Variants in ZCWPW1 observed in about 807,000 individuals in gnomAD.
ZCWPW1 encodes the protein zinc finger CW-type PWWP domain protein 1.
A neutral mutation model predicts 81.3 loss-of-function variants in ZCWPW1; 56 were observed. The ratio of observed to expected loss-of-function variants is 0.69; its 90% CI spans 0.56 to 0.86. The LOEUF is 0.86. Among genes scored for constraint, ZCWPW1 ranks in the 40% least tolerant of loss-of-function variants. The pLI is 0.00. For synonymous variants in ZCWPW1, 250 were observed against 273.7 expected, an observed-to-expected ratio of 0.91 and a Z score of 0.86; for missense variants, 650 against 769.8, an observed-to-expected ratio of 0.84 and a Z score of 1.84.
At position 100,416,289 on chromosome 7, in the gene ZCWPW1, AT is replaced by A. The variant is rs773757099; in HGVS notation, c.631+15del. The A allele has an allele frequency of 4.0e-5, 64 of 1,613,270 alleles. No homozygotes were observed. The African/African-American group carries it at 7.5e-4, about 19-fold the overall frequency. ...GTACTTGAGCCAGGCTTCAAAGTAT[AT>A]CTGACTGTACTTACGAGCTTCCTTC... is the stretch of plus-strand genomic sequence containing the variant. On this transcript the variant is annotated intron_variant, in intron 7 of 17. Transcript: ENST00000684423.
At chr7:100,410,615 C>T (rs1463798987) in intron 8 of ZCWPW1, among the ~76,000 whole-genome samples, 2 of 152,150 alleles carry the variant, frequency 1.3e-5, no homozygotes, top group African/African-American at 2.4e-5. Context: ...ACTCCTCATA[C>T]AGCACCCCAT....
At chr7:100,410,823 A>G (rs1238978030) in intron 8 of ZCWPW1, among the ~76,000 whole-genome samples, 1 of 151,914 alleles carries the variant, frequency 6.6e-6, no homozygotes, top group East Asian at 1.9e-4. Flanking sequence ...TAGCTCTCCA[A>G]CCCACTGCCC....
chr7:100,411,380 C>T (rs1794128218), intron 8 of ZCWPW1, among the ~76,000 whole-genome samples: 1 of 152,060 alleles, frequency 6.6e-6, no homozygotes, highest in Non-Finnish European at 1.5e-5. Flanking sequence ...GATCCTCCCA[C>T]TTCAGCCTCC....
At position 100,401,077 on chromosome 7, in the gene ZCWPW1, G is replaced by T. The variant is rs372286297; in HGVS notation, c.1887C>A (p.Ser629Arg). The change falls in exon 18 of 18, where the codon AGC (serine) becomes AGA (arginine). Residue 629 changes from serine to arginine, a missense_variant. Coordinates refer to ENST00000684423, the MANE Select transcript of ZCWPW1 (RefSeq NM_001386010.1). ...CACTGTTGCTGTGCTGCAGCTCCCC[G>T]CTCTGCCCCAGCTCTCTCCCAACAT... The part of the protein sequence containing the change: ...MEDVGRELGQ[S>R]GELQHSNSDG... 2 of 1,613,980 alleles carry T rather than the reference G, an allele frequency of 1.2e-6. No individual in the cohort carries two copies. Among genetic ancestry groups the T allele is most frequent in the Non-Finnish European group, 1.7e-6 (2 of 1,180,008 alleles).
chr7:100,417,581 G>A (rs989131294), intron 5 of ZCWPW1, among the ~76,000 whole-genome samples: 14 of 151,804 alleles, frequency 9.2e-5, no homozygotes, highest in Non-Finnish European at 1.3e-4. Flanking sequence ...TGCCAGGCAC[G>A]GTGGCATGCA....
intron 8 of ZCWPW1, among the ~76,000 whole-genome samples, chr7:100,414,469 G>A (rs1427892553): frequency 6.6e-6 from 1 of 152,190 alleles, no homozygotes; most frequent in East Asian, 1.9e-4. Flanking sequence ...AGGCTGGAGG[G>A]CAGTGGCACA....
intron 8 of ZCWPW1, among the ~76,000 whole-genome samples, chr7:100,415,069 G>A (rs1424865173): frequency 3.0e-5 from 4 of 133,886 alleles, no homozygotes; most frequent in Admixed American, 7.7e-5. Context: ...CCTCAACTCC[G>A]TACCCATTTT....
intron 8 of ZCWPW1, among the ~76,000 whole-genome samples, chr7:100,412,753 T>G (rs988552203): frequency 3.9e-5 from 6 of 152,132 alleles, no homozygotes; most frequent in African/African-American, 7.2e-5. Context: ...GGCTAATTTT[T>G]TGTATTTTTA....
At chr7:100,411,418 C>A (rs899062544) in intron 8 of ZCWPW1, among the ~76,000 whole-genome samples, 1 of 152,086 alleles carries the variant, frequency 6.6e-6, no homozygotes, top group African/African-American at 2.4e-5. Flanking sequence ...AGGCATGCAC[C>A]ACCACACCCA....
At chr7:100,420,419 T>C (rs961447527) in intron 3 of ZCWPW1, among the ~76,000 whole-genome samples, 1 of 152,216 alleles carries the variant, frequency 6.6e-6, no homozygotes, top group African/African-American at 2.4e-5. Context: ...TTAAATGCCT[T>C]TTCTCTCCCT....
chr7:100,418,591 G>C (rs747148634), intron 5 of ZCWPW1: 1 of 152,394 alleles, frequency 6.6e-6, no homozygotes, highest in South Asian at 2.1e-4. Flanking sequence ...AAGAGTTCGA[G>C]ACCAGCCTGG....
At chr7:100,410,734 T>C (rs963511365) in intron 8 of ZCWPW1, among the ~76,000 whole-genome samples, 1 of 152,180 alleles carries the variant, frequency 6.6e-6, no homozygotes, top group African/African-American at 2.4e-5. Flanking sequence ...GAGCCACTCA[T>C]CCAAACATCC....
intron 12 of ZCWPW1, among the ~76,000 whole-genome samples, chr7:100,405,556 T>C (rs1792826382): frequency 6.6e-6 from 1 of 152,228 alleles, no homozygotes; most frequent in Non-Finnish European, 1.5e-5. Context: ...ATTGATACGA[T>C]ACTCCTATTC....
intron 2 of ZCWPW1, among the ~76,000 whole-genome samples, chr7:100,424,523 G>A (rs775480254): frequency 2.0e-5 from 3 of 152,114 alleles, no homozygotes; most frequent in Non-Finnish European, 4.4e-5. Flanking sequence ...GTGCAGTGGT[G>A]CAATCTTGGC....
intron 11 of ZCWPW1, among the ~76,000 whole-genome samples, 165 bp downstream of exon 11, chr7:100,407,063 A>G (rs1489810076): frequency 1.3e-5 from 2 of 152,176 alleles, no homozygotes; most frequent in Non-Finnish European, 2.9e-5. Context: ...GTTTGTTTCT[A>G]TTATATGTGT....
chr7:100,411,839 A>C (rs1342129399), intron 8 of ZCWPW1, among the ~76,000 whole-genome samples: 5 of 152,198 alleles, frequency 3.3e-5, no homozygotes, highest in African/African-American at 4.8e-5. Flanking sequence ...GCTTGGAATA[A>C]TATTTTTGAC....
chr7:100,416,167 T>C, intron 7 of ZCWPW1, 70 bp from the exon 8 acceptor site: 1 of 1,601,610 alleles, frequency 6.2e-7, no homozygotes, highest in Non-Finnish European at 8.5e-7. Flanking sequence ...TAAAGGTCAG[T>C]GAAAGAAGGA....
rs768093466 is a variant in ZCWPW1 at position 100,402,091 on chromosome 7, AG to A, written c.1475-51del. Reference sequence around the variant, plus strand: ...TTTCTCTCTAAACGACAACTCGGCAAGGGCAGATGGACACTGCACATTGAGT... The same window carrying A: ...TTTCTCTCTAAACGACAACTCGGCAAGGCAGATGGACACTGCACATTGAGT... On this transcript the variant is annotated intron_variant, in intron 16 of 17. Transcript: ENST00000684423. 2.6e-6 allele frequency: 4 copies of A among 1,561,422 alleles called. No individual in the cohort carries two copies. The African/African-American group carries it at 5.4e-5, about 21-fold the overall frequency.
At chr7:100,424,675 T>C (rs1011164665) in intron 2 of ZCWPW1, among the ~76,000 whole-genome samples, 9 of 152,000 alleles carry the variant, frequency 5.9e-5, no homozygotes, top group African/African-American at 1.9e-4. Context: ...TTGGCCAGGA[T>C]AGTCTCAATC....
Sources: allele counts gnomAD v4.1 joint callset (sites outside exome capture counted in the v4.1 genomes callset), GRCh38; gene constraint gnomAD v4.1.1; transcripts MANE v1.5; gene names NCBI Gene and HGNC (gene_info 2026-07-23, HGNC 2026-07-21).